Variants in GRIP1 observed in about 807,000 individuals in gnomAD.
GRIP1 encodes the protein glutamate receptor-interacting protein 1.
Under a neutral mutation model 129.9 loss-of-function variants are expected in GRIP1, and 45 were observed. That is an observed-to-expected ratio of 0.35 (90% CI 0.27 to 0.44). The LOEUF is 0.44. GRIP1 is among the 20% of genes least tolerant of loss of function. The pLI, the probability that GRIP1 is intolerant of heterozygous loss-of-function variation, is 1.00. For missense variants in GRIP1, 1,196 were observed against 1,396.8 expected (o/e 0.86, Z 2.29); for synonymous variants, 530 against 520.8 (o/e 1.02, Z -0.24).
chr12:66,460,657 T>C (rs2059109620), intron 9 of GRIP1, among the ~76,000 whole-genome samples: 1 of 152,228 alleles, frequency 6.6e-6, no homozygotes, highest in Admixed American at 6.5e-5. Flanking sequence ...ATTTCCACAC[T>C]GGCCTGAAAA....
chr12:67,006,485 G>A (rs1388426155), intron 1 of GRIP1, among the ~76,000 whole-genome samples: 1 of 152,040 alleles, frequency 6.6e-6, no homozygotes, highest in Admixed American at 6.6e-5. Flanking sequence ...GTAGGGGAGG[G>A]GCTGAAGTGA....
chr12:66,844,493 C>G (rs2039778561), intron 1 of GRIP1, among the ~76,000 whole-genome samples: 1 of 152,158 alleles, frequency 6.6e-6, no homozygotes, highest in Admixed American at 6.5e-5. Flanking sequence ...GAAATTGGAA[C>G]CTTTATGGAT....
chr12:66,527,021 T>A (rs75041166), intron 5 of GRIP1, among the ~76,000 whole-genome samples: 7,958 of 106,056 alleles, frequency 0.075, 457 homozygotes, highest in Middle Eastern at 0.17. Flanking sequence ...AAAAGTCAGG[T>A]AACAACAGGT....
At chr12:66,480,037 C>T (rs932921635) in intron 7 of GRIP1, among the ~76,000 whole-genome samples, 3 of 152,124 alleles carry the variant, frequency 2.0e-5, no homozygotes, top group Admixed American at 6.6e-5. Context: ...TCTCACCACT[C>T]CTATTCAACA....
At chr12:66,575,052 A>T (rs1326329510) in intron 2 of GRIP1, among the ~76,000 whole-genome samples, 3 of 152,090 alleles carry the variant, frequency 2.0e-5, no homozygotes, top group Non-Finnish European at 2.9e-5. Flanking sequence ...GATTACAGGC[A>T]TTAGCCACCG....
At chr12:66,982,832 T>C (rs1236729051) in intron 1 of GRIP1, among the ~76,000 whole-genome samples, 1 of 152,086 alleles carries the variant, frequency 6.6e-6, no homozygotes, top group Non-Finnish European at 1.5e-5. Flanking sequence ...ATAATAAATA[T>C]TGGTGGTTTT....
chr12:66,705,024 T>C (rs2035478524), intron 1 of GRIP1, among the ~76,000 whole-genome samples: 1 of 152,102 alleles, frequency 6.6e-6, no homozygotes, highest in African/African-American at 2.4e-5. Flanking sequence ...TTCTGCTCTA[T>C]TACAATATAC....
At chr12:66,827,387 T>TGTGTGTGAGAGAGAGA (rs755458052) in intron 1 of GRIP1, among the ~76,000 whole-genome samples, 197 of 108,268 alleles carry the variant, frequency 1.8e-3, no homozygotes, top group South Asian at 7.9e-3. Context: ...TGTGTGTGTG[T>TGTGTGTGAGAGAGAGA]GAGAGAGAGA....
chr12:66,659,614 T>A (rs76616717), intron 1 of GRIP1, among the ~76,000 whole-genome samples: 4,616 of 152,354 alleles, frequency 0.03, 100 homozygotes, highest in South Asian at 0.036. Flanking sequence ...TCTGTATTGA[T>A]TCTAATTTAA....
intron 5 of GRIP1, among the ~76,000 whole-genome samples, chr12:66,528,376 A>T (rs1393242950): frequency 6.6e-6 from 1 of 152,126 alleles, no homozygotes. Context: ...TGACCTCATT[A>T]TCTGCCTGCC....
intron 1 of GRIP1, among the ~76,000 whole-genome samples, chr12:66,852,210 T>C (rs1011777924): frequency 6.6e-6 from 1 of 152,068 alleles, no homozygotes; most frequent in African/African-American, 2.4e-5. Flanking sequence ...ATAAAAATTA[T>C]ATTTTACATT....
At chr12:66,727,520 C>T (rs2036294155) in intron 1 of GRIP1, among the ~76,000 whole-genome samples, 1 of 152,178 alleles carries the variant, frequency 6.6e-6, no homozygotes, top group African/African-American at 2.4e-5. Flanking sequence ...AAAGCTGCCC[C>T]AGTCATCCCA....
At chr12:66,778,359 C>T (rs2038054315) in intron 1 of GRIP1, among the ~76,000 whole-genome samples, 1 of 152,148 alleles carries the variant, frequency 6.6e-6, no homozygotes, top group South Asian at 2.1e-4. Context: ...ACCAGCTTTG[C>T]TTTTACTTAA....
intron 1 of GRIP1, among the ~76,000 whole-genome samples, chr12:67,058,047 T>C (rs2043468051): frequency 1.3e-5 from 2 of 152,222 alleles, no homozygotes; most frequent in South Asian, 2.1e-4. Context: ...TATTAGTATA[T>C]TCCTCTCAGT....
intron 7 of GRIP1, among the ~76,000 whole-genome samples, chr12:66,478,392 G>A (rs1473094918): frequency 6.6e-6 from 1 of 152,186 alleles, no homozygotes; most frequent in Non-Finnish European, 1.5e-5. Context: ...GTGCTGGAGA[G>A]GATGTGGAGA....
chr12:66,732,307 T>C (rs1168731597), intron 1 of GRIP1, among the ~76,000 whole-genome samples: 1 of 152,078 alleles, frequency 6.6e-6, no homozygotes, highest in Non-Finnish European at 1.5e-5. Context: ...TCCCAGTACT[T>C]TGAGGGGGCT....
intron 1 of GRIP1, among the ~76,000 whole-genome samples, chr12:66,629,352 T>C (rs2030478964): frequency 6.6e-6 from 1 of 152,238 alleles, no homozygotes; most frequent in Non-Finnish European, 1.5e-5. Flanking sequence ...ACACATGTGA[T>C]GACCAGCATT....
chr12:66,932,788 C>T (rs2041420162), intron 1 of GRIP1, among the ~76,000 whole-genome samples: 1 of 152,086 alleles, frequency 6.6e-6, no homozygotes, highest in African/African-American at 2.4e-5. Context: ...CCTGCCTCAG[C>T]CTCCCAAGTA....
intron 1 of GRIP1, among the ~76,000 whole-genome samples, chr12:66,646,745 T>C (rs2032403912): frequency 6.6e-6 from 1 of 152,078 alleles, no homozygotes; most frequent in South Asian, 2.1e-4. Flanking sequence ...ATAAGGAAAG[T>C]CACATATAAA....
Sources: allele counts gnomAD v4.1 joint callset (sites outside exome capture counted in the v4.1 genomes callset), GRCh38; gene constraint gnomAD v4.1.1; transcripts MANE v1.5; gene names NCBI Gene and HGNC (gene_info 2026-07-23, HGNC 2026-07-21).